CRYL1: variants seen among roughly 807,000 people sequenced by gnomAD.
CRYL1 encodes the protein crystallin lambda 1.
CRYL1 carries 29 observed loss-of-function variants against 36.6 expected under a neutral mutation model. The observed-to-expected ratio is 0.79, with a 90% CI of 0.59 to 1.08. The LOEUF (loss-of-function observed/expected upper bound fraction) is 1.08. Ranked by LOEUF, CRYL1 falls within the 50% of genes least tolerant of loss-of-function variation. The pLI, the probability that CRYL1 is intolerant of heterozygous loss-of-function variation, is 0.00. For synonymous variants in CRYL1, 152 were observed against 151.5 expected, an observed-to-expected ratio of 1.00 and a Z score of -0.02; for missense variants, 411 against 407.9, an observed-to-expected ratio of 1.01 and a Z score of -0.06.
chr13:20,430,509 C>T (rs541694961), intron 5 of CRYL1: 1 of 985,414 alleles, frequency 1.0e-6, no homozygotes, highest in South Asian at 4.7e-5. Flanking sequence ...GCAGGGTGGA[C>T]ATCGTGAGTC....
At chr13:20,482,320 G>A (rs758785176) in intron 3 of CRYL1, among the ~76,000 whole-genome samples, 7 of 152,114 alleles carry the variant, frequency 4.6e-5, no homozygotes, top group South Asian at 2.1e-4. Context: ...TTTAAACTTC[G>A]TAACTCTATA....
At chr13:20,466,058 C>A (rs999098637) in intron 3 of CRYL1, among the ~76,000 whole-genome samples, 2 of 152,124 alleles carry the variant, frequency 1.3e-5, no homozygotes, top group Admixed American at 1.3e-4. Context: ...CTAAAGCCCT[C>A]ACCAGAAGCC....
chr13:20,447,641 G>T (rs2032484850), intron 3 of CRYL1, among the ~76,000 whole-genome samples: 1 of 152,128 alleles, frequency 6.6e-6, no homozygotes, highest in South Asian at 2.1e-4. Flanking sequence ...AAAACTGAAA[G>T]CTAAAGGTGG....
At chr13:20,515,644 C>T (rs967695743) in intron 1 of CRYL1, 1 of 152,112 alleles carries the variant, frequency 6.6e-6, no homozygotes, top group Non-Finnish European at 1.5e-5. Context: ...TGCCACAACA[C>T]AGATGAATCT....
intron 3 of CRYL1, among the ~76,000 whole-genome samples, chr13:20,441,364 T>C (rs2032348392): frequency 6.6e-6 from 1 of 152,204 alleles, no homozygotes; most frequent in African/African-American, 2.4e-5. Flanking sequence ...CACTAAAGTT[T>C]GGGAACCACT....
chr13:20,524,274 T>G (rs1285515553), intron 1 of CRYL1, among the ~76,000 whole-genome samples: 1 of 152,042 alleles, frequency 6.6e-6, no homozygotes, highest in Non-Finnish European at 1.5e-5. Context: ...GTAAAAACTG[T>G]GTGTGTATAT....
chr13:20,426,700 T>A (rs1223134237), intron 5 of CRYL1: 13 of 985,270 alleles, frequency 1.3e-5, no homozygotes, highest in South Asian at 4.7e-5. Context: ...AAAAGCCTCA[T>A]CTGTCAATTT....
chr13:20,430,041 C>T (rs942689377), intron 5 of CRYL1, among the ~76,000 whole-genome samples: 1 of 152,086 alleles, frequency 6.6e-6, no homozygotes, highest in African/African-American at 2.4e-5. Context: ...CAGCCCTGCC[C>T]CATAACTAAA....
chr13:20,512,400 C>T (rs779482132), intron 2 of CRYL1, 43 bp downstream of exon 2: 7 of 1,374,606 alleles, frequency 5.1e-6, no homozygotes, highest in Non-Finnish European at 7.2e-6. Flanking sequence ...CTGAGAGAAA[C>T]AGACCCACTT....
chr13:20,523,009 T>G (rs2034125003), intron 1 of CRYL1, among the ~76,000 whole-genome samples: 1 of 134,682 alleles, frequency 7.4e-6, no homozygotes, highest in African/African-American at 2.6e-5. Flanking sequence ...CTCCGCCTCC[T>G]GAGTTCAAGC....
At chr13:20,484,450 T>C (rs1448110788) in intron 3 of CRYL1, among the ~76,000 whole-genome samples, 1 of 152,174 alleles carries the variant, frequency 6.6e-6, no homozygotes, top group Admixed American at 6.5e-5. Flanking sequence ...ATTATATGTC[T>C]CACTTGAGGT....
intron 5 of CRYL1, chr13:20,418,701 C>G (rs1428888527): frequency 6.6e-6 from 1 of 152,142 alleles, no homozygotes; most frequent in Non-Finnish European, 1.5e-5. Context: ...TTTTGCTCTA[C>G]TTTTCCCCCA....
chr13:20,483,973 CA>C (rs1048003548), intron 3 of CRYL1, among the ~76,000 whole-genome samples: 32 of 152,260 alleles, frequency 2.1e-4, no homozygotes, highest in African/African-American at 6.7e-4. Context: ...CCCACCACCA[CA>C]CCTGGCTAAT....
intron 3 of CRYL1, among the ~76,000 whole-genome samples, chr13:20,467,456 G>C (rs1439945059): frequency 6.6e-6 from 1 of 152,110 alleles, no homozygotes; most frequent in Admixed American, 6.6e-5. Context: ...ATATACATGA[G>C]TCGTCACTAT....
At chr13:20,440,269 C>A (rs901298914) in intron 3 of CRYL1, among the ~76,000 whole-genome samples, 10 of 152,176 alleles carry the variant, frequency 6.6e-5, no homozygotes, top group African/African-American at 2.4e-4. Context: ...GTAAAACTTA[C>A]AATAAATACA....
chr13:20,466,450 C>G (rs189793202), intron 3 of CRYL1, among the ~76,000 whole-genome samples: 68 of 152,230 alleles, frequency 4.5e-4, no homozygotes, highest in Middle Eastern at 6.8e-3. Context: ...GTGAAAGAAC[C>G]ATTAAAAGAT....
intron 4 of CRYL1, among the ~76,000 whole-genome samples, chr13:20,437,395 C>A (rs1161874141): frequency 6.6e-6 from 1 of 151,726 alleles, no homozygotes; most frequent in African/African-American, 2.4e-5. Flanking sequence ...GCAAGCTCCA[C>A]CTCCTGGGTT....
chr13:20,408,166 G>A (rs576229294), intron 6 of CRYL1, among the ~76,000 whole-genome samples: 1 of 152,272 alleles, frequency 6.6e-6, no homozygotes, highest in Admixed American at 6.5e-5. Flanking sequence ...ATTCCCACCT[G>A]AGTGAGGACT....
chr13:20,411,832 T>A (rs968224189), intron 6 of CRYL1, among the ~76,000 whole-genome samples: 1 of 152,212 alleles, frequency 6.6e-6, no homozygotes, highest in Admixed American at 6.5e-5. Context: ...CTTAGCTTGA[T>A]TCTGATAAGG....
Sources: gnomAD v4.1 joint callset for allele counts (sites outside exome capture counted in the v4.1 genomes callset) on GRCh38, gnomAD v4.1.1 for gene constraint, MANE v1.5 for transcripts, NCBI Gene and HGNC (gene_info 2026-07-23, HGNC 2026-07-21) for gene names.